The following NACA variants were observed in gnomAD, a reference collection of about 807,000 sequenced individuals.
NACA encodes nascent polypeptide-associated complex subunit alpha.
Under a neutral mutation model 86.4 loss-of-function variants are expected in NACA, and 42 were observed. The observed-to-expected ratio is 0.49, with a 90% confidence interval of 0.38 to 0.63. NACA has a LOEUF of 0.63. Ranked by LOEUF, NACA falls within the 20% of genes least tolerant of loss-of-function variation. NACA has a pLI of 0.00. For synonymous variants in NACA, 898 were observed against 973.7 expected, an observed-to-expected ratio of 0.92 and a Z score of 1.45; for missense variants, 2,157 against 2,483.6, an observed-to-expected ratio of 0.87 and a Z score of 2.80.
At chr12:56,724,328 C>T in intron 2 of NACA, 124 bp downstream of exon 2, 1 of 887,810 alleles carries the variant, frequency 1.1e-6, no homozygotes, top group Non-Finnish European at 1.7e-6. Flanking sequence ...ATTTTACGGT[C>T]TATCCTCCTT....
At position 56,720,213 on chromosome 12, in the gene NACA, G is replaced by C. The variant is rs1445866181; in HGVS notation, c.1317C>G (p.Thr439=). The change falls in exon 3 of 9, where the codon ACC becomes ACG. Residue 439 remains threonine, a synonymous_variant. Coordinates refer to ENST00000454682, the MANE Select transcript of NACA (RefSeq NM_001365896.1). ...AQMPVSSVGT[T]PLVVTNPCTI... is the part of the protein sequence containing the mutation. ...TACAGGGGTTAGTCACCACAAGTGG[G>C]GTGGTTCCAACAGAAGAAACGGGCA... is the stretch of plus-strand genomic sequence containing the variant. 6.2e-7 allele frequency: 1 copy of C among 1,613,812 alleles called. No homozygotes were observed. Among genetic ancestry groups the C allele is most frequent in the African/African-American group, 1.3e-5 (1 of 74,892 alleles).
chr12:56,719,106 A>G lies in NACA; in HGVS notation c.2424T>C (p.Pro808=), dbSNP rs773154234. 5 of 1,453,192 alleles carry G rather than the reference A, an allele frequency of 3.4e-6. No individual in the cohort carries two copies. Among genetic ancestry groups the G allele is most frequent in the Non-Finnish European group, 4.6e-6 (5 of 1,075,486 alleles). The allele number at this position is 1,453,192 out of a possible 1,614,324, so 90.0% of individuals were successfully genotyped here. A position where few individuals can be genotyped will look rare whatever the true frequency, so the allele number is the denominator to read the frequency against. Reference sequence around the variant, plus strand: ...GGCCAGCAGAACCCTTCTTGGTTGGAGGTCTTTTAGTCTGAGGAGACACAC... The same window carrying G: ...GGCCAGCAGAACCCTTCTTGGTTGGGGGTCTTTTAGTCTGAGGAGACACAC... ...GVSVSPQTKR[P]PTKKGSAGPD... is the part of the protein sequence containing the mutation. The change falls in exon 3 of 9, where the codon CCT becomes CCC. Residue 808 remains proline, a synonymous_variant. Coordinates refer to ENST00000454682, the MANE Select transcript of NACA (RefSeq NM_001365896.1).
In NACA at chr12:56,721,248, T is replaced by C; in HGVS notation, c.282A>G (p.Gly94=). ...QSSSGTALPL[G]TAPEAPTFLP... ...GGAAGGTTGGGGCTTCAGGGGCAGTTCCCAAAGGTAGGGCTGTTCCAGAGG... is the reference window on the plus strand; with the variant it reads ...GGAAGGTTGGGGCTTCAGGGGCAGTCCCCAAAGGTAGGGCTGTTCCAGAGG... Residue 94 remains glycine (G), a synonymous_variant, in exon 3 of 9, where the codon GGA becomes GGG. Coordinates refer to ENST00000454682, the MANE Select transcript of NACA (RefSeq NM_001365896.1). 1.2e-6 allele frequency: 2 copies of C among 1,613,446 alleles called. No homozygotes were observed. Among genetic ancestry groups the C allele is most frequent in the Non-Finnish European group, 1.7e-6 (2 of 1,179,724 alleles).
rs766346119 is a variant in NACA at position 56,712,804 on chromosome 12, A to G, written c.6204T>C (p.Asp2068=). The G allele has an allele frequency of 2.5e-6, 4 of 1,614,220 alleles. No individual in the cohort carries two copies. In the South Asian group the frequency reaches 3.3e-5, roughly 13 times the overall value. Residue 2068 remains aspartate, a synonymous_variant, in exon 8 of 9, where the codon GAT becomes GAC. Transcript: ENST00000454682. ...CACTTACCATAATCGCATTTACAAT[A>G]TCATTACTGTTGTTCTTCAGGGCTC... ...AVRALKNNSN[D]IVNAIMELTM
chr12:56,714,655 C>T lies in NACA; in HGVS notation c.5692G>A (p.Val1898Ile). The part of the protein sequence containing the change: ...SGTESDSDES[V>I]PELEEQDSTQ... ...GAATCCTGTTCTTCAAGCTCTGGTACTGATTCATCACTGTCAGATTCTGTT... is the reference window on the plus strand; with the variant it reads ...GAATCCTGTTCTTCAAGCTCTGGTATTGATTCATCACTGTCAGATTCTGTT... The change falls in exon 4 of 9, where the codon GTA becomes ATA. Residue 1898 changes from valine to isoleucine, a missense_variant. Val to Ile is a conservative substitution (Grantham distance 29). Coordinates refer to ENST00000454682, the MANE Select transcript of NACA (RefSeq NM_001365896.1). 1 of 1,614,154 alleles carries T rather than the reference C, an allele frequency of 6.2e-7. No homozygotes were observed. The highest frequency in any genetic ancestry group is 1.1e-5 in the South Asian group (1 of 91,084).
Position 56,721,115 on chromosome 12 carries a change from G to C in NACA, c.415C>G (p.Leu139Val), listed in dbSNP as rs1168176859. Residue 139 changes from leucine (L) to valine (V), a missense_variant, in exon 3 of 9, where the codon CTG becomes GTG. Physicochemically the swap from Leu to Val is conservative, Grantham distance 32. Around this residue, in one of 8 missense-constraint regions of NACA, gnomAD observed 947 missense variants for 917.9 expected, o/e 1.03. Transcript: ENST00000454682. ...GTPSSSAPLA[L>V]VALAPHSVQK... ...ACTGAGTGGGGAGCCAGGGCAACCA[G>C]AGCTAAGGGAGCTGAAGAGGAAGGG... is the stretch of plus-strand genomic sequence containing the variant. The C allele has an allele frequency of 6.2e-7, 1 of 1,613,760 alleles. No homozygotes were observed. Among genetic ancestry groups the C allele is most frequent in the Non-Finnish European group, 8.5e-7 (1 of 1,179,840 alleles).
intron 2 of NACA, among the ~76,000 whole-genome samples, chr12:56,723,660 A>C (rs927774734): frequency 2.6e-5 from 4 of 152,158 alleles, no homozygotes; most frequent in Admixed American, 6.5e-5. Flanking sequence ...TTAAATAACA[A>C]ATGAAATTTA....
At chr12:56,721,591 C>A (rs1027943671) in intron 2 of NACA, 132 bp from the exon 3 acceptor site, 1 of 567,702 alleles carries the variant, frequency 1.8e-6, no homozygotes, top group Non-Finnish European at 3.0e-6. Context: ...TAAGTCACCA[C>A]GCAGGATTAG....
rs778137678 is a variant in NACA, at chr12:56,719,060, G to A, written c.2470C>T (p.Leu824Phe). The change falls in exon 3 of 9, where the codon CTC becomes TTC. Residue 824 changes from leucine to phenylalanine, a missense_variant. Around this residue, in one of 8 missense-constraint regions of NACA, gnomAD observed 174 missense variants for 217.0 expected, o/e 0.80. Transcript: ENST00000454682. The part of the protein sequence containing the change: ...SAGPDTPIGN[L>F]SSPVSPVEAS... The stretch of plus-strand genomic sequence containing the variant: ...TCAACTGGAGAAACAGGGGATGAGA[G>A]ATTTCCAATAGGAGTATCAGGGCCA... The A allele has an allele frequency of 6.9e-7, 1 of 1,449,256 alleles. No homozygotes were observed. The highest frequency in any genetic ancestry group is 1.8e-5 in the Admixed American group (1 of 54,982). 89.8% of individuals were successfully genotyped at this position (1,449,256 alleles called of 1,614,324 possible). A position where few individuals can be genotyped will look rare whatever the true frequency, so the allele number is the denominator to read the frequency against.
chr12:56,720,526 G>A lies in NACA; in HGVS notation c.1004C>T (p.Thr335Ile). 1.2e-6 allele frequency: 2 copies of A among 1,613,886 alleles called. No homozygotes were observed. Among genetic ancestry groups the A allele is most frequent in the South Asian group, 2.2e-5 (2 of 91,074 alleles). The change falls in exon 3 of 9, where the codon ACA becomes ATA. Residue 335 changes from threonine (T) to isoleucine (I), a missense_variant. Around this residue, in one of 8 missense-constraint regions of NACA, gnomAD observed 947 missense variants for 917.9 expected, o/e 1.03. Coordinates refer to ENST00000454682, the MANE Select transcript of NACA (RefSeq NM_001365896.1). ...QTGPSALSDP[T>I]VKTISVDHSS... ...ATGATCTACAGAAATGGTCTTCACT[G>A]TAGGGTCTGACAAAGCACTAGGACC...
chr12:56,719,131 C>A lies in NACA; in HGVS notation c.2399G>T (p.Ser800Ile). Reference sequence around the variant, plus strand: ...AGGTCTTTTAGTCTGAGGAGACACACTAACCCCTAAAGGAGATGGGGAATC... The same window carrying A: ...AGGTCTTTTAGTCTGAGGAGACACAATAACCCCTAAAGGAGATGGGGAATC... ...LADSPSPLGV[S>I]VSPQTKRPPT... Residue 800 changes from serine (S) to isoleucine (I), a missense_variant, in exon 3 of 9, where the codon AGT becomes ATT. Transcript: ENST00000454682. 6.9e-7 allele frequency: 1 copy of A among 1,457,514 alleles called. No individual in the cohort carries two copies. The highest frequency in any genetic ancestry group is 1.4e-5 in the African/African-American group (1 of 72,046). The allele number at this position is 1,457,514 out of a possible 1,614,324, so 90.3% of individuals were successfully genotyped here.
In NACA at chr12:56,720,374, A is replaced by C; in HGVS notation, c.1156T>G (p.Ser386Ala). The part of the protein sequence containing the change: ...VVAPSVDKGP[S>A]TISSITCSPS... ...CTGCAGGTTATGCTAGAGATGGTAG[A>C]GGGACCTTTGTCAACAGATGGAGCC... The change falls in exon 3 of 9, where the codon TCT (serine) becomes GCT (alanine). Residue 386 changes from serine to alanine, a missense_variant. By Grantham distance (99) the Ser-to-Ala change is moderately conservative. Transcript: ENST00000454682. 6.2e-7 allele frequency: 1 copy of C among 1,613,950 alleles called. No homozygotes were observed.
At position 56,718,378 on chromosome 12, in the gene NACA, G is replaced by A. The variant is rs1953459749; in HGVS notation, c.3152C>T (p.Pro1051Leu). The change falls in exon 3 of 9, where the codon CCA becomes CTA. Residue 1051 changes from proline to leucine, a missense_variant. By Grantham distance (98) the Pro-to-Leu change is moderately conservative. This residue lies in a region of NACA where 124 missense variants were observed against 186.5 expected (regional missense o/e 0.66). Transcript: ENST00000454682. The part of the protein sequence containing the change: ...PSPKGSPAAT[P>L]LPKGAPTTPA... ...GGTTGTGGGGGCCCCTTTGGGGAGTGGGGTAGCTGCTGGACTTCCTTTGGG... is the reference window on the plus strand; with the variant it reads ...GGTTGTGGGGGCCCCTTTGGGGAGTAGGGTAGCTGCTGGACTTCCTTTGGG... 2.5e-6 allele frequency: 3 copies of A among 1,218,578 alleles called. No individual in the cohort carries two copies. Among genetic ancestry groups the A allele is most frequent in the Non-Finnish European group, 3.1e-6 (3 of 959,814 alleles). The allele number at this position is 1,218,578 out of a possible 1,614,324, so 75.5% of individuals were successfully genotyped here.
intron 3 of NACA, among the ~76,000 whole-genome samples, chr12:56,715,353 C>G (rs1415346578): frequency 5.3e-5 from 8 of 152,270 alleles, no homozygotes; most frequent in Non-Finnish European, 1.5e-5. Context: ...GGAAAAAAAG[C>G]ATACACCTGC....
In NACA at chr12:56,720,858, TTGAA is replaced by T; in HGVS notation, c.668_671del (p.Ile223AsnfsTer16). ...TCTGAGGAAGGGAGGCCACTCCAGA[TTGAA>T]TAGAGGCCATGGGAGTCACACAGTG... is the stretch of plus-strand genomic sequence containing the variant. On this transcript the variant is annotated frameshift_variant, in exon 3 of 9. Coordinates refer to ENST00000454682, the MANE Select transcript of NACA (RefSeq NM_001365896.1). LOFTEE classifies it high-confidence loss of function. The T allele has an allele frequency of 6.2e-7, 1 of 1,613,856 alleles. No homozygotes were observed. The highest frequency in any genetic ancestry group is 8.5e-7 in the Non-Finnish European group (1 of 1,179,862).
chr12:56,719,307 TG>T lies in NACA; in HGVS notation c.2222del (p.Pro741GlnfsTer47), dbSNP rs887492611. 3 of 1,600,874 alleles carry T rather than the reference TG, an allele frequency of 1.9e-6. No individual in the cohort carries two copies. Among genetic ancestry groups the T allele is most frequent in the Non-Finnish European group, 2.6e-6 (3 of 1,172,110 alleles). Reference protein sequence around the residue: ...PKSVPSPSLPPAGTPPGTKKV... With the variant: ...PKSVPSPSLPXAGTPPGTKKV... ...TTTTTGTACCTGGAGGAGTCCCAGC[TG>T]GGGGAAGAGAGGGTGAGGGCACAGA... On this transcript the variant is annotated frameshift_variant, in exon 3 of 9. Coordinates refer to ENST00000454682, the MANE Select transcript of NACA (RefSeq NM_001365896.1). LOFTEE classifies it high-confidence loss of function.
intron 3 of NACA, among the ~76,000 whole-genome samples, chr12:56,715,554 G>A (rs1953329276): frequency 6.6e-6 from 1 of 152,074 alleles, no homozygotes; most frequent in Non-Finnish European, 1.5e-5. Flanking sequence ...CAAATGAAAA[G>A]GTCTGGCAGG....
rs749182340 is a variant in NACA, at chr12:56,720,381, T to G, written c.1149A>C (p.Lys383Asn). ...AFPVVAPSVD[K>N]GPSTISSITC... is the part of the protein sequence containing the mutation. ...TTATGCTAGAGATGGTAGAGGGACC[T>G]TTGTCAACAGATGGAGCCACCACTG... The change falls in exon 3 of 9, where the codon AAA becomes AAC. Residue 383 changes from lysine to asparagine, a missense_variant. By Grantham distance (94) the Lys-to-Asn change is moderately conservative (BLOSUM62 0). This residue lies in a region of NACA where 947 missense variants were observed against 917.9 expected (regional missense o/e 1.03). Transcript: ENST00000454682. The G allele has an allele frequency of 6.2e-7, 1 of 1,613,794 alleles. No homozygotes were observed. The highest frequency in any genetic ancestry group is 2.2e-5 in the East Asian group (1 of 44,872).
At chr12:56,713,930 C>T (rs1175794463) in intron 5 of NACA, 1 of 454,374 alleles carries the variant, frequency 2.2e-6, no homozygotes, top group African/African-American at 2.0e-5. Flanking sequence ...TAATGTCCGT[C>T]TCCCAGGTTC....
Sources: allele counts gnomAD v4.1 joint callset (sites outside exome capture counted in the v4.1 genomes callset), GRCh38; gene constraint gnomAD v4.1.1; regional missense constraint gnomAD v4.1.1; transcripts MANE v1.5; gene names NCBI Gene and HGNC (gene_info 2026-07-23, HGNC 2026-07-21).